GPC3: variants seen among roughly 807,000 people sequenced by gnomAD.
The protein encoded by GPC3 is glypican-3.
Under a neutral mutation model 34.4 loss-of-function variants are expected in GPC3, and 3 were observed. The observed-to-expected ratio is 0.09, with a 90% CI of 0.04 to 0.23. The LOEUF (loss-of-function observed/expected upper bound fraction) is 0.23. Ranked by LOEUF, GPC3 falls within the 10% of genes least tolerant of loss-of-function variation. The probability of loss-of-function intolerance (pLI) is 1.00; values close to 1 mark genes in which losing one functional copy is unlikely to be tolerated. For missense variants in GPC3, 351 were observed against 445.6 expected (o/e 0.79, Z 1.91); for synonymous variants, 177 against 174.0 (o/e 1.02, Z -0.13).
intron 2 of GPC3, among the ~76,000 whole-genome samples, chrX:133,883,146 T>A (rs1252549656): frequency 1.8e-5 from 2 of 111,670 alleles, no homozygotes; most frequent in Non-Finnish European, 1.9e-5. Context: ...TTTTAACAAA[T>A]TAAAAAACCT....
At chrX:133,660,568 A>G (rs1209217319) in intron 6 of GPC3, among the ~76,000 whole-genome samples, 1 of 112,291 alleles carries the variant, frequency 8.9e-6, no homozygotes, top group African/African-American at 3.2e-5. Context: ...GCAGTGAGTC[A>G]GAAGCTGGCA....
intron 5 of GPC3, among the ~76,000 whole-genome samples, chrX:133,679,237 A>AGCC (rs1409231246): frequency 1.8e-5 from 2 of 111,800 alleles, no homozygotes; most frequent in African/African-American, 6.5e-5. Context: ...TTGTAAAGAG[A>AGCC]GCCCAGTAAT....
At chrX:133,701,533 G>C (rs1037716399) in intron 3 of GPC3, among the ~76,000 whole-genome samples, 2 of 112,338 alleles carry the variant, frequency 1.8e-5, no homozygotes, top group African/African-American at 6.5e-5. Context: ...GCCATCCAAC[G>C]TAGCCAAGGT....
chrX:133,825,326 A>G (rs1026374490), intron 2 of GPC3, among the ~76,000 whole-genome samples: 3 of 111,973 alleles, frequency 2.7e-5, no homozygotes. Flanking sequence ...TTGAAAAATA[A>G]CAGTCTGCAT....
intron 2 of GPC3, among the ~76,000 whole-genome samples, chrX:133,811,656 A>T (rs145956414): frequency 8.9e-6 from 1 of 111,782 alleles, no homozygotes; most frequent in Non-Finnish European, 1.9e-5. Context: ...GTCATCAAAC[A>T]TCATTTGCAC....
chrX:133,953,025 A>G lies in GPC3; in HGVS notation c.337+25T>C, dbSNP rs377642258. The G allele has an allele frequency of 6.8e-6, 8 of 1,179,957 alleles. No individual in the cohort carries two copies. In the African/African-American group the frequency reaches 1.1e-4, roughly 16 times the overall value. On this transcript the variant is annotated intron_variant, in intron 2 of 7. Coordinates refer to ENST00000370818, the MANE Select transcript of GPC3 (RefSeq NM_004484.4). ...AAATAATGATGCCACTAAGCAGCACATCTAAAATAATCCCCAGAACTCACC... is the reference window on the plus strand; with the variant it reads ...AAATAATGATGCCACTAAGCAGCACGTCTAAAATAATCCCCAGAACTCACC...
At chrX:133,645,304 T>A (rs1480262501) in intron 6 of GPC3, among the ~76,000 whole-genome samples, 2 of 111,391 alleles carry the variant, frequency 1.8e-5, no homozygotes, top group Non-Finnish European at 3.8e-5. Context: ...CATACCTAAA[T>A]GGCATTTGGC....
intron 2 of GPC3, among the ~76,000 whole-genome samples, chrX:133,773,576 A>T (rs1188752071): frequency 6.3e-5 from 7 of 111,950 alleles, no homozygotes; most frequent in Admixed American, 1.9e-4. Context: ...GCTCTTGAAC[A>T]CTAGTGACAG....
At chrX:133,982,424 T>C (rs1434280553) in intron 1 of GPC3, among the ~76,000 whole-genome samples, 1 of 111,843 alleles carries the variant, frequency 8.9e-6, no homozygotes, top group East Asian at 2.8e-4. Flanking sequence ...TATTTAGAAC[T>C]GCTATCCTGT....
chrX:133,768,369 T>C (rs1603243622), intron 2 of GPC3, among the ~76,000 whole-genome samples: 1 of 111,429 alleles, frequency 9.0e-6, no homozygotes, highest in Non-Finnish European at 1.9e-5. Flanking sequence ...CTTTTTGACA[T>C]TGCCTTTGCT....
chrX:133,886,674 A>G (rs2076063200), intron 2 of GPC3, among the ~76,000 whole-genome samples: 1 of 112,086 alleles, frequency 8.9e-6, no homozygotes, highest in African/African-American at 3.2e-5. Flanking sequence ...CTGATTCCAT[A>G]TATAAGTGAG....
chrX:133,544,608 CT>C (rs1177394122), intron 7 of GPC3, among the ~76,000 whole-genome samples: 7 of 112,161 alleles, frequency 6.2e-5, no homozygotes, highest in Non-Finnish European at 3.8e-5. Context: ...TCACAGCAGC[CT>C]TGAATACCTG....
At chrX:133,784,721 C>T (rs1376796870) in intron 2 of GPC3, among the ~76,000 whole-genome samples, 1 of 112,296 alleles carries the variant, frequency 8.9e-6, no homozygotes, top group Middle Eastern at 4.2e-3. Context: ...ATATAATTGG[C>T]ATATCATAAA....
intron 2 of GPC3, among the ~76,000 whole-genome samples, chrX:133,816,200 G>A (rs1007668889): frequency 3.6e-5 from 4 of 110,449 alleles, no homozygotes; most frequent in African/African-American, 1.3e-4. Context: ...ACAGCTGAAC[G>A]TGCCACCATG....
intron 6 of GPC3, among the ~76,000 whole-genome samples, chrX:133,656,848 G>C (rs1179309174): frequency 9.0e-6 from 1 of 111,511 alleles, no homozygotes; most frequent in Non-Finnish European, 1.9e-5. Flanking sequence ...GTGGAAAGGG[G>C]TGACCTGGGA....
intron 2 of GPC3, among the ~76,000 whole-genome samples, chrX:133,872,751 T>C (rs1025716800): frequency 8.9e-6 from 1 of 112,214 alleles, no homozygotes; most frequent in Non-Finnish European, 1.9e-5. Flanking sequence ...CTATATGGGC[T>C]GAAGAAGCTC....
chrX:133,862,583 G>A (rs918663000), intron 2 of GPC3, among the ~76,000 whole-genome samples: 9 of 109,240 alleles, frequency 8.2e-5, no homozygotes, highest in African/African-American at 3.0e-4. Flanking sequence ...CCAGCTATTC[G>A]GCAGGCTGAG....
intron 2 of GPC3, among the ~76,000 whole-genome samples, chrX:133,845,319 A>G (rs2075843036): frequency 1.8e-5 from 2 of 112,042 alleles, no homozygotes; most frequent in Non-Finnish European, 3.8e-5. Flanking sequence ...ATTAGGCTTG[A>G]GGTAACAATG....
In GPC3 at chrX:133,985,381, C is replaced by T. The variant is rs1197283364; in HGVS notation, c.69G>A (p.Gln23=). 7 of 1,197,210 alleles carry T rather than the reference C, an allele frequency of 5.8e-6. No homozygotes were observed. Among genetic ancestry groups the T allele is most frequent in the Non-Finnish European group, 7.9e-6 (7 of 888,216 alleles). Residue 23 remains glutamine (Q), a synonymous_variant, in exon 1 of 8, where the codon CAG becomes CAA. Transcript: ENST00000370818. Reference sequence around the variant, plus strand: ...CCGGCGGCGGCGGCGGGGGCTGCGCCTGTCCCGGGAAGTCCAAGCTGAGCA... The same window carrying T: ...CCGGCGGCGGCGGCGGGGGCTGCGCTTGTCCCGGGAAGTCCAAGCTGAGCA... ...AMLLSLDFPG[Q]AQPPPPPPDA...
Sources: allele counts gnomAD v4.1 joint callset (sites outside exome capture counted in the v4.1 genomes callset), GRCh38; gene constraint gnomAD v4.1.1; transcripts MANE v1.5; gene names NCBI Gene and HGNC (gene_info 2026-07-23, HGNC 2026-07-21).